The following SLC27A4 variants were observed in gnomAD, a reference collection of about 807,000 sequenced individuals.
SLC27A4 encodes long-chain fatty acid transport protein 4.
SLC27A4 carries 33 observed loss-of-function variants against 64.4 expected under a neutral mutation model. The observed-to-expected ratio is 0.51, with a 90% CI of 0.39 to 0.68. The LOEUF (loss-of-function observed/expected upper bound fraction) is 0.68, where lower values mean the gene tolerates loss of function less well. Ranked by LOEUF, SLC27A4 falls within the 30% of genes least tolerant of loss-of-function variation. SLC27A4 has a pLI of 0.00. For missense variants in SLC27A4, 824 were observed against 883.5 expected (o/e 0.93, Z 0.85); for synonymous variants, 377 against 370.0 (o/e 1.02, Z -0.22).
intron 1 of SLC27A4, chr9:128,342,279 G>A (rs754379080): frequency 2.1e-5 from 34 of 1,611,304 alleles, no homozygotes; most frequent in African/African-American, 5.3e-5. Flanking sequence ...TCGATAAGTC[G>A]AAACTGAAGA....
Position 128,345,164 on chromosome 9 carries a change from G to T in SLC27A4, c.171G>T (p.Leu57=), listed in dbSNP as rs1160107544. ...KTIRRDIFGG[L]VLLKVKAKVR... ...TCTTGTTCACACACAGTGGCGGCCT[G>T]GTCCTCCTGAAGGTGAAGGCAAAGG... The change falls in exon 3 of 13, where the codon CTG becomes CTT. Residue 57 remains leucine (L), a synonymous_variant. Coordinates refer to ENST00000300456, the MANE Select transcript of SLC27A4 (RefSeq NM_005094.4). This position sits in a 1 kb window ranked among gnomAD's most constrained non-coding sequence, Gnocchi z 4.1. 2.5e-6 allele frequency: 4 copies of T among 1,613,230 alleles called. No individual in the cohort carries two copies. In the South Asian group the frequency reaches 3.3e-5, roughly 13 times the overall value.
intron 12 of SLC27A4, among the ~76,000 whole-genome samples, chr9:128,358,269 C>T (rs752396417): frequency 7.9e-5 from 12 of 152,202 alleles, no homozygotes; most frequent in Non-Finnish European, 1.8e-4. Flanking sequence ...ACCTCTGCAG[C>T]ACTGTCCAAC....
rs1054290644 is a variant in SLC27A4, at chr9:128,353,954, G to A, written c.1324+413G>A. On this transcript the variant is annotated intron_variant, in intron 9 of 12. Coordinates refer to ENST00000300456, the MANE Select transcript of SLC27A4 (RefSeq NM_005094.4). The surrounding 1 kb of genome is among the most constrained non-coding windows in gnomAD (Gnocchi z 4.9). ...GAGACGGGGTTTCACCGTTTTAGCC[G>A]GGATGGTCTCGATCTCCTGACCTCG... 1.3e-5 allele frequency among the ~76,000 whole-genome samples: 2 copies of A among 150,714 alleles called. No individual in the cohort carries two copies. Among genetic ancestry groups the A allele is most frequent in the Non-Finnish European group, 2.9e-5 (2 of 67,882 alleles).
chr9:128,359,876 T>C (rs1402957249), intron 12 of SLC27A4, among the ~76,000 whole-genome samples: 2 of 152,192 alleles, frequency 1.3e-5, no homozygotes, highest in East Asian at 1.9e-4. Context: ...ATTATACTAG[T>C]TCAGAGATGT....
Position 128,340,685 on chromosome 9 carries a change from C to G in SLC27A4, c.-160C>G, listed in dbSNP as rs1182222632. The G allele has an allele frequency of 5.5e-6, 2 of 364,764 alleles. No individual in the cohort carries two copies. The highest frequency in any genetic ancestry group is 9.6e-6 in the Non-Finnish European group (2 of 207,850). 22.6% of individuals were successfully genotyped at this position (364,764 alleles called of 1,614,324 possible). A position where few individuals can be genotyped will look rare whatever the true frequency, so the allele number is the denominator to read the frequency against. ...GGGGCCGGGCGGCGGGCGGGGCTGG[C>G]GGGGCGGCCGGGCCATGCAGGGCGC... On this transcript the variant is annotated 5_prime_UTR_variant, in exon 1 of 13. Transcript: ENST00000300456.
chr9:128,360,184 T>C, intron 12 of SLC27A4, 150 bp from the exon 13 acceptor site: 2 of 895,210 alleles, frequency 2.2e-6, no homozygotes, highest in Non-Finnish European at 1.8e-6. Context: ...TGACCATTCT[T>C]TGCAAACTGT....
At chr9:128,358,689 C>T (rs139750699) in intron 12 of SLC27A4, among the ~76,000 whole-genome samples, 12,363 of 152,264 alleles carry the variant, frequency 0.081, 733 homozygotes, top group East Asian at 0.19. Context: ...TCAGGTGATC[C>T]GCCCACCCTG....
At chr9:128,343,626 G>A (rs1057221161) in intron 2 of SLC27A4, among the ~76,000 whole-genome samples, 5 of 152,184 alleles carry the variant, frequency 3.3e-5, no homozygotes, top group African/African-American at 1.2e-4. Context: ...GGGTAAAGAG[G>A]AATTTTGGGG....
chr9:128,355,294 C>T (rs1357713557), intron 10 of SLC27A4, 104 bp downstream of exon 10: 6 of 1,599,646 alleles, frequency 3.8e-6, no homozygotes, highest in Middle Eastern at 1.7e-4. Flanking sequence ...AGTCCTGGCC[C>T]TTGTGGTCAA....
At chr9:128,341,613 C>CACTGCGAT (rs1832573603) in intron 1 of SLC27A4, among the ~76,000 whole-genome samples, 1 of 152,208 alleles carries the variant, frequency 6.6e-6, no homozygotes. Flanking sequence ...CCAACAGACG[C>CACTGCGAT]ACTGCGATAC....
chr9:128,349,270 C>G (rs1401670568), intron 4 of SLC27A4, among the ~76,000 whole-genome samples: 1 of 152,162 alleles, frequency 6.6e-6, no homozygotes, highest in Non-Finnish European at 1.5e-5. Context: ...AGCCACATTG[C>G]CTGGTGGCTC....
intron 12 of SLC27A4, 97 bp from the exon 13 acceptor site, chr9:128,360,237 C>A: frequency 7.2e-7 from 1 of 1,389,670 alleles, no homozygotes; most frequent in Non-Finnish European, 1.0e-6. Context: ...CCTGTTTGTC[C>A]TCCAGCCCTG....
chr9:128,346,496 AGTGCT>A (rs560352805), intron 3 of SLC27A4, among the ~76,000 whole-genome samples: 127 of 151,902 alleles, frequency 8.4e-4, no homozygotes, highest in Middle Eastern at 3.4e-3. Context: ...GGCCTCCCAA[AGTGCT>A]GGGATTATAG....
At position 128,340,772 on chromosome 9, in the gene SLC27A4, A is replaced by C; in HGVS notation, c.-73A>C. 1 of 679,236 alleles carries C rather than the reference A, an allele frequency of 1.5e-6. No individual in the cohort carries two copies. Among genetic ancestry groups the C allele is most frequent in the Non-Finnish European group, 2.7e-6 (1 of 368,682 alleles). 42.1% of individuals were successfully genotyped at this position (679,236 alleles called of 1,614,324 possible). On this transcript the variant is annotated 5_prime_UTR_variant, in exon 1 of 13. Transcript: ENST00000300456. Reference sequence around the variant, plus strand: ...CGTCCAGGGGCGGCTAATGCCCCTCACGCTGTCTACGCTGCTGCAACCGGG... The same window carrying C: ...CGTCCAGGGGCGGCTAATGCCCCTCCCGCTGTCTACGCTGCTGCAACCGGG...
Position 128,355,710 on chromosome 9 carries a change from A to C in SLC27A4, c.1688A>C (p.Glu563Ala). 1 of 1,613,370 alleles carries C rather than the reference A, an allele frequency of 6.2e-7. No homozygotes were observed. Among genetic ancestry groups the C allele is most frequent in the African/African-American group, 1.3e-5 (1 of 75,054 alleles). ...AGCCCCACTGGCAACTGTGACCTGG[A>C]GCGCTTTGCTCAGGTCTTGGAGAAG... ...VASPTGNCDL[E>A]RFAQVLEKEL... is the part of the protein sequence containing the mutation. Residue 563 changes from glutamate (E) to alanine (A), a missense_variant, in exon 12 of 13, where the codon GAG becomes GCG. Glu to Ala is a moderately radical substitution (Grantham distance 107, BLOSUM62 -1). Coordinates refer to ENST00000300456, the MANE Select transcript of SLC27A4 (RefSeq NM_005094.4).
rs56224008 is a variant in SLC27A4, at chr9:128,345,355, G to A, written c.362G>A (p.Arg121Gln). ...AGTGTAGCCAACTTCCTGCAGGCCCGGGGCCTGGCCTCGGGCGATGTGGCT... is the reference window on the plus strand; with the variant it reads ...AGTGTAGCCAACTTCCTGCAGGCCCAGGGCCTGGCCTCGGGCGATGTGGCT... ...SSSVANFLQA[R>Q]GLASGDVAAI... Residue 121 changes from arginine (R) to glutamine (Q), a missense_variant, in exon 3 of 13, where the codon CGG becomes CAG. Transcript: ENST00000300456. This position sits in a 1 kb window ranked among gnomAD's most constrained non-coding sequence, Gnocchi z 4.1. 36,599 of 1,613,654 alleles carry A rather than the reference G, an allele frequency of 0.023. 517 individuals are homozygous for A. The highest frequency in any genetic ancestry group is 0.027 in the Non-Finnish European group (31,588 of 1,179,974).
chr9:128,348,505 G>T (rs1445572524), intron 3 of SLC27A4, 40 bp from the exon 4 acceptor site: 1 of 1,610,764 alleles, frequency 6.2e-7, no homozygotes, highest in Non-Finnish European at 8.5e-7. Flanking sequence ...GGAACATGGG[G>T]TTTTCTGGCC....
intron 3 of SLC27A4, among the ~76,000 whole-genome samples, chr9:128,347,898 A>C (rs1420965903): frequency 6.6e-6 from 1 of 151,124 alleles, no homozygotes; most frequent in African/African-American, 2.4e-5. Flanking sequence ...AAAAAAAGAA[A>C]GGAAAGAAAA....
chr9:128,342,952 C>T (rs542849979), intron 1 of SLC27A4, among the ~76,000 whole-genome samples, 175 bp from the exon 2 acceptor site: 1 of 152,240 alleles, frequency 6.6e-6, no homozygotes, highest in East Asian at 1.9e-4. Context: ...CCCTAGCCTG[C>T]CCCTTCCAGG....
Sources: gnomAD v4.1 joint callset for allele counts (sites outside exome capture counted in the v4.1 genomes callset) on GRCh38, gnomAD v4.1.1 for gene constraint, Gnocchi (gnomAD v3.1) non-coding constraint, MANE v1.5 for transcripts, NCBI Gene and HGNC (gene_info 2026-07-23, HGNC 2026-07-21) for gene names.